Variants in PIP5K1B observed in about 807,000 individuals in gnomAD.
The protein encoded by PIP5K1B is phosphatidylinositol 4-phosphate 5-kinase type-1 beta.
PIP5K1B carries 42 observed loss-of-function variants against 67.0 expected under a neutral mutation model. The observed-to-expected ratio is 0.63, with a 90% CI of 0.49 to 0.81. The LOEUF is 0.81. Among genes scored for constraint, PIP5K1B ranks in the 30% least tolerant of loss-of-function variants. PIP5K1B has a pLI of 0.00. For synonymous variants in PIP5K1B, 214 were observed against 231.4 expected (o/e 0.92, Z 0.68); for missense variants, 459 against 646.3 (o/e 0.71, Z 3.14).
At position 68,786,462 on chromosome 9, in the gene PIP5K1B, T is replaced by A. The variant is rs551719288; in HGVS notation, c.-85-31999T>A. 3.1e-3 allele frequency among the ~76,000 whole-genome samples: 440 copies of A among 140,128 alleles called. 3 individuals carry two copies. The highest frequency in any genetic ancestry group is 0.01 in the Middle Eastern group (3 of 286). 91.9% of individuals were successfully genotyped at this position (140,128 alleles called of 152,430 possible). A position where few individuals can be genotyped will look rare whatever the true frequency, so the allele number is the denominator to read the frequency against. Reference sequence around the variant, plus strand: ...TTTGAATTTAGGCCCTTTTGGTTTTTTTATTATTATTATTATAAACTTTTT... The same window carrying A: ...TTTGAATTTAGGCCCTTTTGGTTTTATTATTATTATTATTATAAACTTTTT... On this transcript the variant is annotated intron_variant, in intron 2 of 15. Transcript: ENST00000265382.
At chr9:68,887,979 CTT>C (rs71353088) in intron 6 of PIP5K1B, among the ~76,000 whole-genome samples, 205 of 107,100 alleles carry the variant, frequency 1.9e-3, no homozygotes, top group Non-Finnish European at 2.3e-3. Context: ...GGAATCCAGC[CTT>C]TTTTTTTTTT....
intron 12 of PIP5K1B, among the ~76,000 whole-genome samples, chr9:68,933,713 C>A (rs916455128): frequency 4.6e-5 from 7 of 152,194 alleles, no homozygotes; most frequent in African/African-American, 1.7e-4. Flanking sequence ...GGATTCCAGA[C>A]TCTAAAGCCC....
chr9:68,876,818 C>A, intron 6 of PIP5K1B, 24 bp downstream of exon 6: 1 of 1,139,132 alleles, frequency 8.8e-7, no homozygotes, highest in Non-Finnish European at 1.3e-6. Flanking sequence ...ATTTTTCTTC[C>A]TTCTATAGAA....
intron 2 of PIP5K1B, among the ~76,000 whole-genome samples, chr9:68,793,655 G>A (rs1490707224): frequency 6.6e-6 from 1 of 152,080 alleles, no homozygotes; most frequent in Non-Finnish European, 1.5e-5. Flanking sequence ...TTTTTGGTGG[G>A]GGGAGGGGCT....
intron 14 of PIP5K1B, among the ~76,000 whole-genome samples, chr9:68,947,374 G>C (rs777181908): frequency 9.9e-5 from 15 of 152,202 alleles, no homozygotes; most frequent in Non-Finnish European, 1.9e-4. Context: ...CCCTGAAATG[G>C]AAGAAAGATA....
chr9:68,804,753 AGC>A (rs1396493727), intron 2 of PIP5K1B, among the ~76,000 whole-genome samples: 3 of 152,084 alleles, frequency 2.0e-5, no homozygotes, highest in Non-Finnish European at 1.5e-5. Context: ...CACTTCACCC[AGC>A]TAGAGGCAAG....
intron 1 of PIP5K1B, among the ~76,000 whole-genome samples, chr9:68,706,823 C>G (rs781134671): frequency 3.3e-5 from 5 of 151,898 alleles, no homozygotes; most frequent in Non-Finnish European, 7.3e-5. Flanking sequence ...CCTTTTGTCC[C>G]TCTAATGAAG....
chr9:68,895,507 G>A (rs1323709912), intron 8 of PIP5K1B, among the ~76,000 whole-genome samples: 2 of 152,088 alleles, frequency 1.3e-5, no homozygotes, highest in Non-Finnish European at 2.9e-5. Context: ...GTTGTTATAG[G>A]GGAGGGGAGA....
rs1339247994 is a variant in PIP5K1B, at chr9:68,970,988, GTATT to G, written c.1503-20143_1503-20140del. Among the ~76,000 whole-genome samples the G allele has an allele frequency of 5.9e-5, 9 of 152,194 alleles. No homozygotes were observed. The East Asian group carries it at 9.6e-4, about 16-fold the overall frequency. ...AAGAACAGCGATTTTTATTATTTAT[GTATT>G]TATTTATTGATTTATTTATTTTATT... On this transcript the variant is annotated intron_variant, in intron 14 of 15. Coordinates refer to ENST00000265382, the MANE Select transcript of PIP5K1B (RefSeq NM_003558.4).
chr9:68,799,585 C>A (rs1832483990), intron 2 of PIP5K1B, among the ~76,000 whole-genome samples: 1 of 152,066 alleles, frequency 6.6e-6, no homozygotes, highest in Admixed American at 6.5e-5. Flanking sequence ...AGAAATGAAC[C>A]CATACATATA....
intron 2 of PIP5K1B, among the ~76,000 whole-genome samples, chr9:68,797,155 T>A (rs1223655585): frequency 1.3e-5 from 2 of 152,238 alleles, no homozygotes; most frequent in Non-Finnish European, 2.9e-5. Flanking sequence ...GGACAAGTCC[T>A]TAAGTTGCTC....
intron 5 of PIP5K1B, among the ~76,000 whole-genome samples, chr9:68,864,905 A>ACTAGTGTC (rs1467117387): frequency 1.7e-4 from 26 of 152,246 alleles, no homozygotes; most frequent in African/African-American, 6.3e-4. Context: ...TTTGTTTACC[A>ACTAGTGTC]CTAGTGTCCT....
At chr9:68,851,567 G>A (rs115738052) in intron 4 of PIP5K1B, among the ~76,000 whole-genome samples, 116 of 152,308 alleles carry the variant, frequency 7.6e-4, no homozygotes, top group African/African-American at 2.6e-3. Flanking sequence ...GGGAGTAACC[G>A]GTTTTAGCTC....
chr9:68,941,055 C>T lies in PIP5K1B; in HGVS notation c.1502+265C>T, dbSNP rs139554686. 5.3e-4 allele frequency: 292 copies of T among 554,976 alleles called. 4 individuals carry two copies. Among genetic ancestry groups the T allele is most frequent in the African/African-American group, 4.3e-3 (230 of 53,706 alleles). 34.4% of individuals were successfully genotyped at this position (554,976 alleles called of 1,614,324 possible). A position where few individuals can be genotyped will look rare whatever the true frequency, so the allele number is the denominator to read the frequency against. ...CAATGGAAGAAGACAAATCTTTCAT[C>T]ATTTTTATTTTAGTAAATTTTTTAG... On this transcript the variant is annotated intron_variant, in intron 14 of 15. Transcript: ENST00000265382.
chr9:68,854,078 T>C (rs2132219307), intron 4 of PIP5K1B, among the ~76,000 whole-genome samples: 1 of 151,240 alleles, frequency 6.6e-6, no homozygotes, highest in East Asian at 1.9e-4. Flanking sequence ...ATACCAGATG[T>C]CTAGATGAGA....
intron 15 of PIP5K1B, among the ~76,000 whole-genome samples, chr9:68,996,875 T>TCTA (rs896113906): frequency 1.3e-5 from 2 of 152,222 alleles, no homozygotes; most frequent in African/African-American, 2.4e-5. Context: ...CTTCCTTGCT[T>TCTA]CTACTATTCA....
chr9:68,920,619 T>C (rs12350004), intron 11 of PIP5K1B, among the ~76,000 whole-genome samples: 16,744 of 151,870 alleles, frequency 0.11, 2,110 homozygotes, highest in African/African-American at 0.31. Flanking sequence ...CCACCTGCCT[T>C]GGCCTCCCAA....
At chr9:68,894,689 A>G in intron 8 of PIP5K1B, 51 bp downstream of exon 8, 6 of 1,517,388 alleles carry the variant, frequency 4.0e-6, no homozygotes, top group Non-Finnish European at 3.6e-6. Flanking sequence ...GCTCATGTAA[A>G]CTGTGGCTGC....
At chr9:68,952,150 G>T (rs1276372373) in intron 14 of PIP5K1B, among the ~76,000 whole-genome samples, 1 of 151,986 alleles carries the variant, frequency 6.6e-6, no homozygotes, top group Non-Finnish European at 1.5e-5. Flanking sequence ...TTCCTTTCCT[G>T]TGTGACTTTT....
Sources: gnomAD v4.1 joint callset for allele counts (sites outside exome capture counted in the v4.1 genomes callset) on GRCh38, gnomAD v4.1.1 for gene constraint, MANE v1.5 for transcripts, NCBI Gene and HGNC (gene_info 2026-07-23, HGNC 2026-07-21) for gene names.